THAP6: variants seen among roughly 807,000 people sequenced by gnomAD.
THAP6 encodes the protein THAP domain-containing protein 6.
In THAP6, 13 loss-of-function variants were observed where a neutral mutation model predicts 20.0. The observed-to-expected ratio is 0.65, with a 90% CI of 0.42 to 1.03. The LOEUF (loss-of-function observed/expected upper bound fraction) is 1.03, where lower values mean the gene tolerates loss of function less well. Among genes scored for constraint, THAP6 ranks in the 50% least tolerant of loss-of-function variants. THAP6 has a pLI of 0.00. For missense variants in THAP6, 262 were observed against 261.6 expected (o/e 1.00, Z -0.01); for synonymous variants, 93 against 92.2 (o/e 1.01, Z -0.05).
At chr4:75,531,528 T>C (rs1475347566), downstream of THAP6, among the ~76,000 whole-genome samples, 2 of 152,216 alleles carry the variant, frequency 1.3e-5, no homozygotes, top group East Asian at 3.8e-4. Flanking sequence ...GTGTGTGTGC[T>C]CTTGGGGACC....
rs1475510288 is a variant in THAP6, at chr4:75,528,817, G to C, written c.*1603G>C. 27 of 964,488 alleles carry C rather than the reference G, an allele frequency of 2.8e-5. No homozygotes were observed. The highest frequency in any genetic ancestry group is 3.1e-5 in the Non-Finnish European group (25 of 811,818). 59.7% of individuals were successfully genotyped at this position (964,488 alleles called of 1,614,324 possible). A position where few individuals can be genotyped will look rare whatever the true frequency, so the allele number is the denominator to read the frequency against. On this transcript the variant is annotated 3_prime_UTR_variant, in exon 5 of 5. Transcript: ENST00000311638. ...TAATCCTAGCACTTTGGGAGGCCAA[G>C]GCAGGCAGATCACTTGAGGTCAGGG...
intron 3 of THAP6, among the ~76,000 whole-genome samples, chr4:75,521,037 A>T (rs939094444): frequency 1.3e-5 from 2 of 152,022 alleles, no homozygotes; most frequent in African/African-American, 4.8e-5. Flanking sequence ...ACTGCCATCT[A>T]CATTGCAGTT....
intron 4 of THAP6, among the ~76,000 whole-genome samples, chr4:75,525,647 A>C (rs1726316976): frequency 6.6e-6 from 1 of 152,154 alleles, no homozygotes; most frequent in Non-Finnish European, 1.5e-5. Flanking sequence ...CATGCCTGGT[A>C]AATTTTGCAT....
chr4:75,545,202 G>T (rs142019945), intron 3 of THAP6, among the ~76,000 whole-genome samples: 15 of 152,310 alleles, frequency 9.8e-5, no homozygotes, highest in Non-Finnish European at 1.8e-4. Context: ...CCAAGGTCCT[G>T]CAGCTAAACA....
chr4:75,515,440 A>G lies in THAP6; in HGVS notation c.-13A>G, dbSNP rs1725512825. 6.2e-7 allele frequency: 1 copy of G among 1,612,900 alleles called. No individual in the cohort carries two copies. Among genetic ancestry groups the G allele is most frequent in the African/African-American group, 1.3e-5 (1 of 74,918 alleles). ...ATTCTAATTTTCTTTCAGTTTTGTT[A>G]TGAGTTGCTAAAATGGTGAAATGCT... On this transcript the variant is annotated 5_prime_UTR_variant, in exon 2 of 5. An upstream start codon of the reference 5' UTR is lost. Coordinates refer to ENST00000311638, the MANE Select transcript of THAP6 (RefSeq NM_144721.6).
intron 4 of THAP6, among the ~76,000 whole-genome samples, chr4:75,524,590 G>A (rs1198991361): frequency 6.6e-6 from 1 of 152,076 alleles, no homozygotes. Flanking sequence ...AACAGTTTTG[G>A]GGGCGGGGGC....
chr4:75,527,129 T>C lies in THAP6; in HGVS notation c.584T>C (p.Leu195Pro). ...ATCAGGGAATTAAAGGATGAATGTC[T>C]GATCAGCCAAGAAACAGCAAATAGA... ...KTIRELKDECLISQETANRLD... is the reference protein window; with the variant it reads ...KTIRELKDECPISQETANRLD... Residue 195 changes from leucine to proline, a missense_variant, in exon 5 of 5, where the codon CTG becomes CCG. Transcript: ENST00000311638. The C allele has an allele frequency of 1.2e-6, 2 of 1,614,148 alleles. No homozygotes were observed. Among genetic ancestry groups the C allele is most frequent in the East Asian group, 4.5e-5 (2 of 44,868 alleles).
intron 3 of THAP6, chr4:75,517,741 A>G: frequency 6.6e-6 from 1 of 152,276 alleles, no homozygotes; most frequent in Non-Finnish European, 1.5e-5. Flanking sequence ...AGAACAGGAG[A>G]AGAAAAGGTC....
At chr4:75,531,482 G>A (rs577157331), downstream of THAP6, among the ~76,000 whole-genome samples, 11 of 152,206 alleles carry the variant, frequency 7.2e-5, no homozygotes, top group South Asian at 1.0e-3. Context: ...ACTATATGCC[G>A]AATTCTGTGA....
At position 75,527,545 on chromosome 4, in the gene THAP6, A is replaced by G. The variant is rs1726459704; in HGVS notation, c.*331A>G. ...TAAGCTATAGTAGAAGGAATTGGAC[A>G]CTTCTCCAGATATTTGGCTTCAAAG... is the stretch of plus-strand genomic sequence containing the variant. On this transcript the variant is annotated 3_prime_UTR_variant, in exon 5 of 5. Transcript: ENST00000311638. The G allele has an allele frequency of 3.7e-6, 4 of 1,071,006 alleles. No homozygotes were observed. The African/African-American group carries it at 5.0e-5, about 13-fold the overall frequency. The allele number at this position is 1,071,006 out of a possible 1,614,324, so 66.3% of individuals were successfully genotyped here. A position where few individuals can be genotyped will look rare whatever the true frequency, so the allele number is the denominator to read the frequency against.
At chr4:75,532,524 C>T (rs560048937), downstream of THAP6, among the ~76,000 whole-genome samples, 10 of 152,328 alleles carry the variant, frequency 6.6e-5, no homozygotes, top group South Asian at 2.1e-3. Flanking sequence ...CTTCTCACAG[C>T]TCCACTAGGC....
intron 4 of THAP6, among the ~76,000 whole-genome samples, chr4:75,524,800 T>TGCTA (rs1726263603): frequency 3.3e-5 from 5 of 152,156 alleles, no homozygotes; most frequent in Admixed American, 3.3e-4. Context: ...CTGTCACCCA[T>TGCTA]GCTAGAGTGC....
chr4:75,532,264 G>A (rs2148826716), downstream of THAP6, among the ~76,000 whole-genome samples: 1 of 152,328 alleles, frequency 6.6e-6, no homozygotes, highest in East Asian at 1.9e-4. Flanking sequence ...CAAGTCTGAA[G>A]TCCAGCAGGG....
chr4:75,528,495 C>T lies in THAP6; in HGVS notation c.*1281C>T. 1.0e-6 allele frequency: 1 copy of T among 985,250 alleles called. No homozygotes were observed. The highest frequency in any genetic ancestry group is 1.2e-6 in the Non-Finnish European group (1 of 829,810). 61.0% of individuals were successfully genotyped at this position (985,250 alleles called of 1,614,324 possible). A position where few individuals can be genotyped will look rare whatever the true frequency, so the allele number is the denominator to read the frequency against. The stretch of plus-strand genomic sequence containing the variant: ...AGTATCAGCCATTTCATTGTAGTAA[C>T]AAAAATTGAATTGCATTTTGTGCTC... On this transcript the variant is annotated 3_prime_UTR_variant, in exon 5 of 5. Transcript: ENST00000311638.
chr4:75,543,495 C>T (rs2148834522), intron 3 of THAP6, among the ~76,000 whole-genome samples: 1 of 152,326 alleles, frequency 6.6e-6, no homozygotes, highest in South Asian at 2.1e-4. Context: ...AAATGTGTGC[C>T]TCCTTTCCAG....
chr4:75,539,373 G>A (rs1010031346), intron 2 of THAP6, among the ~76,000 whole-genome samples: 10 of 152,086 alleles, frequency 6.6e-5, no homozygotes, highest in Non-Finnish European at 1.3e-4. Context: ...AGCCCCATAC[G>A]ATAGTGTGAG....
intron 1 of THAP6, chr4:75,514,769 C>G (rs1415707418): frequency 6.3e-6 from 1 of 158,054 alleles, no homozygotes; most frequent in African/African-American, 2.4e-5. Context: ...TGCTCTTGGA[C>G]GCCAGGGTGC....
At chr4:75,545,474 C>T (rs535088768) in intron 3 of THAP6, among the ~76,000 whole-genome samples, 1 of 152,246 alleles carries the variant, frequency 6.6e-6, no homozygotes, top group African/African-American at 2.4e-5. Flanking sequence ...CAGAAGATGC[C>T]TAAGCAAGCC....
intron 2 of THAP6, chr4:75,539,890 A>T: frequency 6.5e-7 from 1 of 1,536,140 alleles, no homozygotes; most frequent in Non-Finnish European, 8.7e-7. Context: ...GAACAGGAAG[A>T]AGAACAAAAA....
Sources: gnomAD v4.1 joint callset for allele counts (sites outside exome capture counted in the v4.1 genomes callset) on GRCh38, gnomAD v4.1.1 for gene constraint, MANE v1.5 for transcripts, NCBI Gene and HGNC (gene_info 2026-07-23, HGNC 2026-07-21) for gene names.